NKAIN3: variants seen among roughly 807,000 people sequenced by gnomAD.
NKAIN3 encodes the protein sodium/potassium transporting ATPase interacting 3, also known as sodium/potassium-transporting ATPase subunit beta-1-interacting protein 3.
A neutral mutation model predicts 30.2 loss-of-function variants in NKAIN3; 25 were observed. The observed-to-expected ratio is 0.83, with a 90% CI of 0.60 to 1.16. The LOEUF (loss-of-function observed/expected upper bound fraction) is 1.16, where lower values mean the gene tolerates loss of function less well. NKAIN3 is among the 50% of genes most tolerant of loss of function. The pLI, the probability that NKAIN3 is intolerant of heterozygous loss-of-function variation, is 0.00. For synonymous variants in NKAIN3, 91 were observed against 89.6 expected (o/e 1.02, Z -0.09); for missense variants, 225 against 254.1 (o/e 0.89, Z 0.78).
intron 1 of NKAIN3, among the ~76,000 whole-genome samples, chr8:62,422,092 ATAAAC>A (rs1804658679): frequency 6.6e-6 from 1 of 152,172 alleles, no homozygotes; most frequent in Non-Finnish European, 1.5e-5. Flanking sequence ...CATGCAGAAA[ATAAAC>A]TAAAATATGT....
chr8:62,595,476 G>T (rs1810798826), intron 3 of NKAIN3, among the ~76,000 whole-genome samples: 2 of 148,784 alleles, frequency 1.3e-5, no homozygotes, highest in Admixed American at 1.4e-4. Context: ...CCCAAAGGGG[G>T]TTGCCATTGC....
At chr8:62,369,545 C>CCTGTT (rs1816839854) in intron 1 of NKAIN3, among the ~76,000 whole-genome samples, 1 of 152,026 alleles carries the variant, frequency 6.6e-6, no homozygotes, top group Non-Finnish European at 1.5e-5. Flanking sequence ...AGTCATACTA[C>CCTGTT]CATCTACAAC....
intron 3 of NKAIN3, among the ~76,000 whole-genome samples, chr8:62,737,745 C>G (rs1314194599): frequency 6.6e-6 from 1 of 152,104 alleles, no homozygotes; most frequent in East Asian, 1.9e-4. Context: ...GTAAGCAGAA[C>G]CAGTTGAGAA....
intron 1 of NKAIN3, among the ~76,000 whole-genome samples, chr8:62,378,952 A>G (rs1302029835): frequency 3.9e-5 from 6 of 152,188 alleles, no homozygotes; most frequent in Admixed American, 2.6e-4. Context: ...TGTGCCTGGA[A>G]AAGCCCCAGA....
rs116826051 is a variant in NKAIN3 at position 62,603,263 on chromosome 8, T to C, written c.273+13469T>C. Among the ~76,000 whole-genome samples the C allele has an allele frequency of 7.0e-3, 1,072 of 152,258 alleles. 13 individuals carry two copies. The highest frequency in any genetic ancestry group is 0.025 in the African/African-American group (1,027 of 41,572). ...AATTTCTGGTGACATTTGCAACAAT[T>C]AACAAATTATAAAAGAGACCCTGAT... On this transcript the variant is annotated intron_variant, in intron 3 of 6. Transcript: ENST00000623646.
intron 1 of NKAIN3, among the ~76,000 whole-genome samples, chr8:62,407,254 A>G (rs1042806958): frequency 2.6e-5 from 4 of 151,776 alleles, no homozygotes; most frequent in Admixed American, 6.6e-5. Context: ...CTATATGTAT[A>G]TATATATACA....
intron 4 of NKAIN3, among the ~76,000 whole-genome samples, chr8:62,750,263 G>A (rs1816233903): frequency 6.6e-6 from 1 of 151,888 alleles, no homozygotes; most frequent in Non-Finnish European, 1.5e-5. Context: ...AGGTGATTTC[G>A]GGGAGCGACT....
intron 1 of NKAIN3, among the ~76,000 whole-genome samples, chr8:62,303,372 A>C (rs1370769140): frequency 1.3e-5 from 2 of 150,390 alleles, no homozygotes; most frequent in African/African-American, 5.0e-5. Context: ...TATCTCATGT[A>C]TTTTTAATGA....
At chr8:62,617,053 T>C (rs1396871768) in intron 3 of NKAIN3, among the ~76,000 whole-genome samples, 1 of 147,166 alleles carries the variant, frequency 6.8e-6, no homozygotes, top group Non-Finnish European at 1.5e-5. Flanking sequence ...TCCCTTGTTC[T>C]TGCTCCTGGC....
At position 62,898,228 on chromosome 8, in the gene NKAIN3, G is replaced by GAA. The variant is rs5891877; in HGVS notation, c.472-20219_472-20218dup. The stretch of plus-strand genomic sequence containing the variant: ...GGCAATAAGAAAATGGGAATCAAAG[G>GAA]AAAAAAATCATTATATCAAAAAGAC... On this transcript the variant is annotated intron_variant, in intron 4 of 6. Transcript: ENST00000623646. Among the ~76,000 whole-genome samples the GAA allele has an allele frequency of 3.4e-4, 52 of 151,788 alleles. No individual in the cohort carries two copies. The South Asian group carries it at 8.1e-3, about 24-fold the overall frequency.
chr8:62,902,198 C>A (rs1423175261), intron 4 of NKAIN3, among the ~76,000 whole-genome samples: 1 of 152,110 alleles, frequency 6.6e-6, no homozygotes, highest in East Asian at 1.9e-4. Context: ...GATCCATTGG[C>A]ACAAATATGC....
chr8:62,295,271 G>A (rs1813788955), intron 1 of NKAIN3, among the ~76,000 whole-genome samples: 1 of 152,132 alleles, frequency 6.6e-6, no homozygotes, highest in Non-Finnish European at 1.5e-5. Context: ...TTCATAGGAG[G>A]TTGTGGCAGT....
intron 1 of NKAIN3, among the ~76,000 whole-genome samples, chr8:62,504,155 T>A (rs1379215627): frequency 6.6e-6 from 1 of 152,106 alleles, no homozygotes; most frequent in Non-Finnish European, 1.5e-5. Flanking sequence ...GGGATCTGGG[T>A]TGCATGCTCC....
At chr8:62,623,829 A>G (rs1811701238) in intron 3 of NKAIN3, among the ~76,000 whole-genome samples, 1 of 152,106 alleles carries the variant, frequency 6.6e-6, no homozygotes, top group African/African-American at 2.4e-5. Context: ...CATAAAGTAA[A>G]GTGAAAGCAA....
At chr8:62,868,293 G>C (rs1031842097) in intron 4 of NKAIN3, among the ~76,000 whole-genome samples, 5 of 151,186 alleles carry the variant, frequency 3.3e-5, no homozygotes, top group Non-Finnish European at 5.9e-5. Context: ...ATGGTATAGA[G>C]TATTTCTTTT....
At chr8:62,888,374 T>C (rs1435347444) in intron 4 of NKAIN3, among the ~76,000 whole-genome samples, 1 of 152,220 alleles carries the variant, frequency 6.6e-6, no homozygotes, top group African/African-American at 2.4e-5. Context: ...GGAGCTCCTG[T>C]AAATAAAACT....
chr8:62,605,321 T>G (rs1273189535), intron 3 of NKAIN3, among the ~76,000 whole-genome samples: 1 of 152,020 alleles, frequency 6.6e-6, no homozygotes, highest in African/African-American at 2.4e-5. Flanking sequence ...CAACGGAGCT[T>G]TCAGACCAGC....
chr8:62,830,973 C>A (rs1266025574), intron 4 of NKAIN3, among the ~76,000 whole-genome samples: 1 of 152,194 alleles, frequency 6.6e-6, no homozygotes, highest in Non-Finnish European at 1.5e-5. Context: ...GCTCAGACTG[C>A]CCTATATACT....
chr8:62,808,538 G>A (rs1262729328), intron 4 of NKAIN3, among the ~76,000 whole-genome samples: 4 of 152,100 alleles, frequency 2.6e-5, no homozygotes, highest in East Asian at 1.9e-4. Context: ...TGAGAAATAA[G>A]GGGAAAGAGT....
Sources: allele counts gnomAD v4.1 joint callset (sites outside exome capture counted in the v4.1 genomes callset), GRCh38; gene constraint gnomAD v4.1.1; transcripts MANE v1.5; gene names NCBI Gene and HGNC (gene_info 2026-07-23, HGNC 2026-07-21).